SSH1: variants seen among roughly 807,000 people sequenced by gnomAD.
The protein encoded by SSH1 is protein phosphatase Slingshot homolog 1.
Under a neutral mutation model 79.7 loss-of-function variants are expected in SSH1, and 43 were observed. The observed-to-expected ratio is 0.54, with a 90% CI of 0.42 to 0.70. The LOEUF (loss-of-function observed/expected upper bound fraction) is 0.70, where lower values mean the gene tolerates loss of function less well. Among genes scored for constraint, SSH1 ranks in the 30% least tolerant of loss-of-function variants. The pLI is 0.00. For synonymous variants in SSH1, 599 were observed against 538.3 expected (o/e 1.11, Z -1.56); for missense variants, 1,206 against 1,358.8 (o/e 0.89, Z 1.77).
intron 5 of SSH1, among the ~76,000 whole-genome samples, chr12:108,813,260 T>C (rs1224277649): frequency 6.6e-6 from 1 of 152,142 alleles, no homozygotes; most frequent in Admixed American, 6.6e-5. Flanking sequence ...TCCTAGGGCC[T>C]GTATGGCGGG....
intron 9 of SSH1, 36 bp from the exon 10 acceptor site, chr12:108,805,220 T>G: frequency 6.2e-7 from 1 of 1,601,736 alleles, no homozygotes; most frequent in East Asian, 2.2e-5. Flanking sequence ...AGTGATTTGT[T>G]AAAGAAAACA....
In SSH1 at chr12:108,786,204, T is replaced by C. The variant is rs142714905; in HGVS notation, c.*1784A>G. ...TCACTTTCAGAATTCAGCTGGTCCT[T>C]GAAGGCTTTCTGGTTTCACTGAGTT... On this transcript the variant is annotated 3_prime_UTR_variant, in exon 15 of 15. Transcript: ENST00000326495. 2.6e-5 allele frequency: 4 copies of C among 152,358 alleles called. No individual in the cohort carries two copies. The highest frequency in any genetic ancestry group is 2.1e-4 in the South Asian group (1 of 4,826). The allele number at this position is 152,358 out of a possible 1,614,324, so 9.4% of individuals were successfully genotyped here.
rs562439808 is a variant in SSH1 at position 108,846,498 on chromosome 12, C to T, written c.110+6140G>A. ...GAACGGCACAGCTTCCAAAGAGGGA[C>T]TACGAGCGGCCAGCAGCAGCCTGCA... On this transcript the variant is annotated intron_variant, in intron 2 of 14. Coordinates refer to ENST00000326495, the MANE Select transcript of SSH1 (RefSeq NM_018984.4). 1.3e-3 allele frequency among the ~76,000 whole-genome samples: 200 copies of T among 152,344 alleles called. 1 individual carries two copies. Among genetic ancestry groups the T allele is most frequent in the African/African-American group, 4.7e-3 (196 of 41,580 alleles).
At chr12:108,791,759 G>GT (rs1297373019) in intron 14 of SSH1, among the ~76,000 whole-genome samples, 7 of 152,030 alleles carry the variant, frequency 4.6e-5, no homozygotes, top group Admixed American at 1.3e-4. Flanking sequence ...CTTGTCTATA[G>GT]TATGTATCTA....
Position 108,802,323 on chromosome 12 carries a change from C to T in SSH1, c.1000G>A (p.Gly334Arg). ...ASNLEELQGSGVDYILNVTRE... is the reference protein window; with the variant it reads ...ASNLEELQGSRVDYILNVTRE... Reference sequence around the variant, plus strand: ...GAAAGACAAGGGGAGGAGACTCACCCTGAGCCCTGCAGTTCCTCCAGATTG... The same window carrying T: ...GAAAGACAAGGGGAGGAGACTCACCTTGAGCCCTGCAGTTCCTCCAGATTG... Residue 334 changes from glycine to arginine, a missense_variant and splice_region_variant, in exon 11 of 15, where the codon GGG becomes AGG. Around this residue, in one of 5 missense-constraint regions of SSH1, gnomAD observed 166 missense variants for 262.9 expected, o/e 0.63. Coordinates refer to ENST00000326495, the MANE Select transcript of SSH1 (RefSeq NM_018984.4). 6.2e-7 allele frequency: 1 copy of T among 1,613,976 alleles called. No individual in the cohort carries two copies. The highest frequency in any genetic ancestry group is 8.5e-7 in the Non-Finnish European group (1 of 1,179,922).
At chr12:108,824,909 C>T (rs2038256499) in intron 2 of SSH1, among the ~76,000 whole-genome samples, 1 of 152,012 alleles carries the variant, frequency 6.6e-6, no homozygotes, top group Non-Finnish European at 1.5e-5. Context: ...ATAAAATACA[C>T]CAAAATTATT....
At chr12:108,810,102 C>T (rs1364393693) in intron 6 of SSH1, among the ~76,000 whole-genome samples, 3 of 152,034 alleles carry the variant, frequency 2.0e-5, no homozygotes, top group Admixed American at 6.6e-5. Context: ...CAGGCCCGGC[C>T]GTTCCTTTTT....
chr12:108,801,909 C>T (rs1388756449), intron 11 of SSH1, among the ~76,000 whole-genome samples: 2 of 152,132 alleles, frequency 1.3e-5, no homozygotes, highest in African/African-American at 2.4e-5. Flanking sequence ...AGATAGAGCC[C>T]AAAGTGGCCC....
rs59512648 is a variant in SSH1, at chr12:108,782,130, C to T, written c.*5858G>A. 1 of 77,024 alleles carries T rather than the reference C, an allele frequency of 1.3e-5. No individual in the cohort carries two copies. Among genetic ancestry groups the T allele is most frequent in the African/African-American group, 5.9e-5 (1 of 16,874 alleles). 4.8% of individuals were successfully genotyped at this position (77,024 alleles called of 1,614,324 possible). A position where few individuals can be genotyped will look rare whatever the true frequency, so the allele number is the denominator to read the frequency against. ...CCTGAGCAAGAGAGCCAGACCCAGT[C>T]TCAAAAAAAAAAAAAAAAAAATTAA... On this transcript the variant is annotated 3_prime_UTR_variant, in exon 15 of 15. Transcript: ENST00000326495.
chr12:108,788,552 TGGATCCTGGCTCTCCTCGG>T lies in SSH1; in HGVS notation c.2567_2585del (p.Pro856GlnfsTer34). On this transcript the variant is annotated frameshift_variant, in exon 15 of 15. Transcript: ENST00000326495. LOFTEE classifies it low-confidence loss of function (END_TRUNC). ...GGGGGCCCAGCTCGTGGAGCGCGGC[TGGATCCTGGCTCTCCTCGG>T]GGATGCTGGCCTCCAGCCTGCTGGC... is the stretch of plus-strand genomic sequence containing the variant. 6.9e-6 allele frequency: 11 copies of T among 1,586,320 alleles called. No homozygotes were observed. The highest frequency in any genetic ancestry group is 9.4e-6 in the Non-Finnish European group (11 of 1,164,956).
At chr12:108,823,563 T>C (rs1035123851) in intron 2 of SSH1, among the ~76,000 whole-genome samples, 3 of 152,198 alleles carry the variant, frequency 2.0e-5, no homozygotes, top group African/African-American at 7.2e-5. Flanking sequence ...AGAATTTTCG[T>C]GACAAAATAA....
intron 2 of SSH1, among the ~76,000 whole-genome samples, chr12:108,842,495 G>C (rs758043760): frequency 3.3e-5 from 5 of 152,236 alleles, no homozygotes; most frequent in Non-Finnish European, 2.9e-5. Flanking sequence ...TCCAAGCCCA[G>C]AGCCTGCAGC....
intron 2 of SSH1, among the ~76,000 whole-genome samples, chr12:108,848,572 G>A (rs1440386425): frequency 6.6e-6 from 1 of 152,210 alleles, no homozygotes; most frequent in African/African-American, 2.4e-5. Flanking sequence ...GATTCAGAGA[G>A]AAGAGGCCTG....
At chr12:108,808,754 G>A (rs192947844) in intron 7 of SSH1, among the ~76,000 whole-genome samples, 107 of 151,092 alleles carry the variant, frequency 7.1e-4, no homozygotes, top group African/African-American at 1.4e-3. Flanking sequence ...TAACTGAAGA[G>A]GTTTGGGGAG....
chr12:108,802,210 C>A, intron 11 of SSH1, 112 bp downstream of exon 11: 1 of 917,636 alleles, frequency 1.1e-6, no homozygotes. Context: ...CTTCAGAGAC[C>A]AGGGTGCAGG....
intron 2 of SSH1, among the ~76,000 whole-genome samples, chr12:108,833,266 C>CT (rs2038517557): frequency 6.6e-6 from 1 of 151,942 alleles, no homozygotes; most frequent in Admixed American, 6.6e-5. Flanking sequence ...CCCATGGAAG[C>CT]TGGAGCTAAT....
chr12:108,830,934 C>T (rs1015392806), intron 2 of SSH1, among the ~76,000 whole-genome samples: 2 of 152,076 alleles, frequency 1.3e-5, no homozygotes, highest in African/African-American at 2.4e-5. Flanking sequence ...TGTGAGCCAC[C>T]GAGACCAACC....
intron 2 of SSH1, among the ~76,000 whole-genome samples, chr12:108,841,448 A>T (rs1220798120): frequency 6.6e-6 from 1 of 152,228 alleles, no homozygotes; most frequent in Non-Finnish European, 1.5e-5. Flanking sequence ...TTAAGTTCTG[A>T]CAGAATTAAC....
At chr12:108,802,463 G>T (rs747434059) in intron 10 of SSH1, 95 bp from the exon 11 acceptor site, 194 of 1,165,464 alleles carry the variant, frequency 1.7e-4, no homozygotes, top group Middle Eastern at 5.7e-4. Flanking sequence ...TGGCGGTGAG[G>T]TCTTATTTCA....
Sources: allele counts gnomAD v4.1 joint callset (sites outside exome capture counted in the v4.1 genomes callset), GRCh38; gene constraint gnomAD v4.1.1; regional missense constraint gnomAD v4.1.1; transcripts MANE v1.5; gene names NCBI Gene and HGNC (gene_info 2026-07-23, HGNC 2026-07-21).